NBPF9: variants seen among roughly 807,000 people sequenced by gnomAD.
NBPF9 encodes NBPF member 9, also known as NBPF family member NBPF9.
Under a neutral mutation model 97.8 loss-of-function variants are expected in NBPF9, and 91 were observed. The ratio of observed to expected loss-of-function variants is 0.93; its 90% CI spans 0.79 to 1.11. The LOEUF (loss-of-function observed/expected upper bound fraction) is 1.11, where lower values mean the gene tolerates loss of function less well. Among genes scored for constraint, NBPF9 ranks in the 50% least tolerant of loss-of-function variants. NBPF9 has a pLI of 0.00. For missense variants in NBPF9, 992 were observed against 939.5 expected (o/e 1.06, Z -0.73); for synonymous variants, 334 against 359.5 (o/e 0.93, Z 0.80).
At chr1:149,079,618 G>A (rs2080230161) in intron 8 of NBPF9, among the ~76,000 whole-genome samples, 1 of 149,446 alleles carries the variant, frequency 6.7e-6, no homozygotes, top group African/African-American at 2.5e-5. Flanking sequence ...GGCAGATGGG[G>A]CGAATTGAAA....
At chr1:149,082,006 G>T (rs1553656890) in exon 7 of NBPF9, 2 of 1,607,966 alleles carry the variant, frequency 1.2e-6, no homozygotes, top group East Asian at 4.5e-5. Context: ...GGCCAGTTGA[G>T]TTAGAAAACA....
chr1:149,082,219 A>T, intron 6 of NBPF9, 45 bp from the exon 7 acceptor site: 5 of 1,531,062 alleles, frequency 3.3e-6, no homozygotes, highest in Non-Finnish European at 4.5e-6. Flanking sequence ...AAAACTGGTG[A>T]AATCAAATAG....
At chr1:149,086,592 G>T (rs1277554604) in intron 5 of NBPF9, among the ~76,000 whole-genome samples, 3 of 152,206 alleles carry the variant, frequency 2.0e-5, no homozygotes, top group African/African-American at 7.2e-5. Flanking sequence ...CCAGAGGAAG[G>T]TCTTCAGGAC....
At chr1:149,076,181 T>C (rs1246210682) in intron 11 of NBPF9, among the ~76,000 whole-genome samples, 3 of 151,790 alleles carry the variant, frequency 2.0e-5, no homozygotes, top group Admixed American at 2.0e-4. Context: ...TTCATTTTGC[T>C]TTTTTAATTT....
chr1:149,082,205 G>T (rs1361907826), intron 6 of NBPF9, 31 bp from the exon 7 acceptor site: 12 of 1,594,180 alleles, frequency 7.5e-6, no homozygotes, highest in Admixed American at 1.7e-5. Context: ...CATATGATGG[G>T]TTAAAAACTG....
chr1:149,098,664 G>A lies in NBPF9; in HGVS notation c.-563C>T, dbSNP rs1272623675. 12 of 918,994 alleles carry A rather than the reference G, an allele frequency of 1.3e-5. No individual in the cohort carries two copies. In the African/African-American group the frequency reaches 1.6e-4, roughly 12 times the overall value. 56.9% of individuals were successfully genotyped at this position (918,994 alleles called of 1,614,324 possible). Reference sequence around the variant, plus strand: ...GGTAAGGTGAGAGCCTGGGTCACCAGGAACCTTCGCCTGCATCTAAACAGG... The same window carrying A: ...GGTAAGGTGAGAGCCTGGGTCACCAAGAACCTTCGCCTGCATCTAAACAGG... On this transcript the variant is annotated 5_prime_UTR_variant, in exon 4 of 30. Transcript: ENST00000584027.
At position 149,080,884 on chromosome 1, in the gene NBPF9, T is replaced by C. The variant is rs1462920014; in HGVS notation, c.176-729A>G. ...CATTGCAGCAATTTACAGAGGTAGGTATTATTGTAGTACCCTCTGAACAGA... is the reference window on the plus strand; with the variant it reads ...CATTGCAGCAATTTACAGAGGTAGGCATTATTGTAGTACCCTCTGAACAGA... On this transcript the variant is annotated intron_variant, in intron 7 of 29. Transcript: ENST00000584027. Among the ~76,000 whole-genome samples the C allele has an allele frequency of 2.2e-4, 34 of 151,390 alleles. No individual in the cohort carries two copies. In the South Asian group the frequency reaches 3.8e-3, roughly 17 times the overall value.
intron 4 of NBPF9, among the ~76,000 whole-genome samples, chr1:149,095,519 G>A (rs1175547054): frequency 3.1e-4 from 45 of 145,138 alleles, no homozygotes; most frequent in Non-Finnish European, 5.4e-4. Context: ...TAAGAGAATG[G>A]AAAAAGCAAG....
intron 5 of NBPF9, among the ~76,000 whole-genome samples, chr1:149,082,957 CTT>C (rs1157992196): frequency 1.1e-3 from 73 of 66,452 alleles, no homozygotes; most frequent in African/African-American, 2.5e-3. Flanking sequence ...TTTTTCTTTT[CTT>C]TTTTTTTTTT....
chr1:149,060,647 G>C, exon 24 of NBPF9: 2 of 384,854 alleles, frequency 5.2e-6, no homozygotes, highest in Non-Finnish European at 9.1e-6. Flanking sequence ...TATCCAGTGA[G>C]TCCTGCAAGA....
chr1:149,087,828 C>CTTTTTTT (rs60084667), intron 5 of NBPF9, among the ~76,000 whole-genome samples: 2 of 88,556 alleles, frequency 2.3e-5, no homozygotes, highest in Non-Finnish European at 2.1e-5. Flanking sequence ...GTTGACTTTC[C>CTTTTTTT]TTTTTTTTTT....
chr1:149,076,808 G>A (rs1382998454), intron 11 of NBPF9, among the ~76,000 whole-genome samples: 13 of 151,574 alleles, frequency 8.6e-5, no homozygotes, highest in South Asian at 6.3e-4. Flanking sequence ...GCGCCCAGCC[G>A]AGACTTATTA....
chr1:149,073,035 G>A lies in NBPF9; in HGVS notation c.1092-103C>T, dbSNP rs587713278. ...GAAACAGTGTCCTCAAGGAGACCTC[G>A]AAGCAGAAGGTCAGCACATGTTTAA... is the stretch of plus-strand genomic sequence containing the variant. On this transcript the variant is annotated intron_variant, in intron 13 of 29. Transcript: ENST00000584027. 1.8e-4 allele frequency: 219 copies of A among 1,210,296 alleles called. 5 individuals carry two copies. The highest frequency in any genetic ancestry group is 1.1e-3 in the Admixed American group (65 of 58,970). 75.0% of individuals were successfully genotyped at this position (1,210,296 alleles called of 1,614,324 possible).
chr1:149,087,305 C>A (rs1478609231), intron 5 of NBPF9, among the ~76,000 whole-genome samples: 4 of 148,684 alleles, frequency 2.7e-5, no homozygotes, highest in Non-Finnish European at 5.9e-5. Flanking sequence ...AGATGATAAT[C>A]TTCAAAACGG....
At chr1:149,059,674 A>T (rs1174995783) in intron 25 of NBPF9, 26 bp downstream of exon 25, 1 of 560,446 alleles carries the variant, frequency 1.8e-6, no homozygotes, top group African/African-American at 2.4e-5. Flanking sequence ...ACACAGAACT[A>T]AGGATCCAGA....
Position 149,055,947 on chromosome 1 carries a change from C to T in NBPF9, c.3093-48G>A, listed in dbSNP as rs1344079315. On this transcript the variant is annotated intron_variant, in intron 29 of 29. Transcript: ENST00000584027. ...AGAAGCAGCCAGGGAAAATCAGACA[C>T]CACAGAGCCCCACTAGATTTCAGAA... 1.4e-5 allele frequency: 23 copies of T among 1,611,654 alleles called. No homozygotes were observed. The African/African-American group carries it at 2.9e-4, about 21-fold the overall frequency.
intron 29 of NBPF9, 121 bp downstream of exon 29, chr1:149,056,391 T>C (rs1360251409): frequency 4.2e-5 from 9 of 213,844 alleles, no homozygotes; most frequent in South Asian, 1.2e-4. Flanking sequence ...CCAACAGCAA[T>C]GACAGTAGGA....
chr1:149,084,860 T>C (rs367738188), intron 5 of NBPF9, among the ~76,000 whole-genome samples: 10,246 of 143,394 alleles, frequency 0.071, 798 homozygotes, highest in East Asian at 0.33. Flanking sequence ...CACGGATCTT[T>C]GTATGAAGAG....
downstream of NBPF9, chr1:149,053,889 G>GACACACACACAGAC (rs1239417233): frequency 6.9e-6 from 1 of 145,292 alleles, no homozygotes; most frequent in Non-Finnish European, 1.5e-5. Flanking sequence ...GGCACACACA[G>GACACACACACAGAC]ACACACACAC....
Sources: gnomAD v4.1 joint callset for allele counts (sites outside exome capture counted in the v4.1 genomes callset) on GRCh38, gnomAD v4.1.1 for gene constraint, MANE v1.5 for transcripts, NCBI Gene and HGNC (gene_info 2026-07-23, HGNC 2026-07-21) for gene names.